The following STXBP5L variants were observed in gnomAD, a reference collection of about 807,000 sequenced individuals.
The protein encoded by STXBP5L is syntaxin binding protein 5L.
STXBP5L carries 65 observed loss-of-function variants against 144.5 expected under a neutral mutation model. The observed-to-expected ratio is 0.45, with a 90% CI of 0.37 to 0.55. STXBP5L has a LOEUF of 0.55. Ranked by LOEUF, STXBP5L falls within the 20% of genes least tolerant of loss-of-function variation. The pLI is 0.00. For missense variants in STXBP5L, 1,298 were observed against 1,405.5 expected, an observed-to-expected ratio of 0.92 and a Z score of 1.22; for synonymous variants, 505 against 469.6, an observed-to-expected ratio of 1.08 and a Z score of -0.97.
intron 14 of STXBP5L, among the ~76,000 whole-genome samples, chr3:121,248,866 C>G (rs2108357939): frequency 6.6e-6 from 1 of 152,304 alleles, no homozygotes; most frequent in East Asian, 1.9e-4. Context: ...TTGCATATGG[C>G]TAGCCAGTTA....
intron 22 of STXBP5L, among the ~76,000 whole-genome samples, chr3:121,395,088 A>G (rs1327679123): frequency 2.0e-5 from 3 of 152,232 alleles, no homozygotes; most frequent in Admixed American, 6.5e-5. Context: ...TGAAAATTCA[A>G]TGAACTAGAT....
At chr3:121,087,570 C>A (rs2042557653) in intron 5 of STXBP5L, among the ~76,000 whole-genome samples, 1 of 151,862 alleles carries the variant, frequency 6.6e-6, no homozygotes, top group Admixed American at 6.6e-5. Flanking sequence ...TTAATATATT[C>A]AAAGTGTATT....
Position 120,961,464 on chromosome 3 carries a change from C to T in STXBP5L, c.287+6427C>T, listed in dbSNP as rs185950103. ...CGAGGCCCCAGTGTGTGATGTTCCC[C>T]GCCCCGTGTGTGAGTGATCTCATTG... is the stretch of plus-strand genomic sequence containing the variant. On this transcript the variant is annotated intron_variant, in intron 3 of 26. Coordinates refer to ENST00000471454, the MANE Select transcript of STXBP5L (RefSeq NM_001308330.2). Among the ~76,000 whole-genome samples, 305 of 152,122 alleles carry T rather than the reference C, an allele frequency of 2.0e-3. 3 individuals are homozygous for T. Among genetic ancestry groups the T allele is most frequent in the South Asian group, 4.6e-3 (22 of 4,822 alleles).
chr3:121,126,905 C>A (rs1182407627), intron 7 of STXBP5L, among the ~76,000 whole-genome samples: 1 of 152,192 alleles, frequency 6.6e-6, no homozygotes, highest in Non-Finnish European at 1.5e-5. Context: ...TCAAATCCAA[C>A]AGCATAGTAT....
At chr3:121,124,644 A>G (rs1036247483) in intron 7 of STXBP5L, among the ~76,000 whole-genome samples, 5 of 152,014 alleles carry the variant, frequency 3.3e-5, no homozygotes. Flanking sequence ...ATTCAGTTGC[A>G]TCATTGAATG....
At chr3:121,379,170 A>G (rs1325646951) in intron 21 of STXBP5L, among the ~76,000 whole-genome samples, 1 of 152,082 alleles carries the variant, frequency 6.6e-6, no homozygotes, top group Non-Finnish European at 1.5e-5. Context: ...CCTTCCCATA[A>G]TAATTAAGAG....
intron 20 of STXBP5L, among the ~76,000 whole-genome samples, chr3:121,358,091 C>G (rs559210650): frequency 6.6e-6 from 1 of 152,260 alleles, no homozygotes; most frequent in South Asian, 2.1e-4. Context: ...TGCATCCCCT[C>G]AAGCATTTAT....
chr3:121,304,855 C>G (rs947194531), intron 19 of STXBP5L, among the ~76,000 whole-genome samples: 1 of 151,490 alleles, frequency 6.6e-6, no homozygotes. Context: ...TAATAATCAT[C>G]AAAAATGAAC....
At chr3:121,207,209 C>G (rs1255297968) in intron 10 of STXBP5L, among the ~76,000 whole-genome samples, 1 of 152,002 alleles carries the variant, frequency 6.6e-6, no homozygotes, top group African/African-American at 2.4e-5. Context: ...TTTGACAAAC[C>G]TGACAAAAAC....
chr3:121,375,283 T>A (rs1472286618), intron 20 of STXBP5L, among the ~76,000 whole-genome samples: 3 of 152,194 alleles, frequency 2.0e-5, no homozygotes, highest in Non-Finnish European at 4.4e-5. Flanking sequence ...GATTTAATTT[T>A]AAAATGTCCT....
intron 9 of STXBP5L, among the ~76,000 whole-genome samples, chr3:121,167,328 A>G (rs1241445569): frequency 6.6e-6 from 1 of 152,234 alleles, no homozygotes; most frequent in Non-Finnish European, 1.5e-5. Flanking sequence ...CAAATTAACA[A>G]CCATTGGAAT....
At chr3:121,258,937 G>A (rs915999964) in intron 17 of STXBP5L, 106 bp from the exon 18 acceptor site, 6 of 1,141,518 alleles carry the variant, frequency 5.3e-6, no homozygotes, top group African/African-American at 1.6e-5. Context: ...TGCCTGCAAT[G>A]CCTGGTGTTG....
At chr3:121,270,215 T>C (rs1309165357) in intron 18 of STXBP5L, among the ~76,000 whole-genome samples, 3 of 144,994 alleles carry the variant, frequency 2.1e-5, no homozygotes, top group African/African-American at 7.7e-5. Flanking sequence ...TCAGTGTATG[T>C]TTCCTAAGAA....
intron 7 of STXBP5L, among the ~76,000 whole-genome samples, chr3:121,133,627 C>T (rs2045104309): frequency 6.6e-6 from 1 of 152,140 alleles, no homozygotes; most frequent in Admixed American, 6.6e-5. Flanking sequence ...GCAAGAAATG[C>T]TAAAGAGTTC....
At chr3:121,351,802 CT>C (rs1553774558) in intron 20 of STXBP5L, among the ~76,000 whole-genome samples, 1 of 152,000 alleles carries the variant, frequency 6.6e-6, no homozygotes, top group Non-Finnish European at 1.5e-5. Flanking sequence ...TCTTCTAGGG[CT>C]TTTATGGTTT....
chr3:121,105,746 C>A (rs1241655305), intron 5 of STXBP5L, among the ~76,000 whole-genome samples: 2 of 151,876 alleles, frequency 1.3e-5, no homozygotes, highest in Non-Finnish European at 2.9e-5. Flanking sequence ...CTCAATAGAA[C>A]CTGTGCAGTT....
chr3:120,911,085 A>G (rs767843745), intron 2 of STXBP5L, among the ~76,000 whole-genome samples: 9 of 152,114 alleles, frequency 5.9e-5, no homozygotes, highest in Non-Finnish European at 1.3e-4. Context: ...TCAGATTCTG[A>G]AAATTTTTTC....
At chr3:121,092,078 A>C (rs1269559231) in intron 5 of STXBP5L, among the ~76,000 whole-genome samples, 6 of 152,162 alleles carry the variant, frequency 3.9e-5, no homozygotes, top group Admixed American at 3.9e-4. Context: ...CAAAGATCAG[A>C]TAGTTGTAGA....
At position 121,020,197 on chromosome 3, in the gene STXBP5L, C is replaced by A. The variant is rs559391365; in HGVS notation, c.288-21503C>A. Among the ~76,000 whole-genome samples, 4 of 152,128 alleles carry A rather than the reference C, an allele frequency of 2.6e-5. No homozygotes were observed. In the South Asian group the frequency reaches 6.2e-4, roughly 24 times the overall value. On this transcript the variant is annotated intron_variant, in intron 3 of 26. Transcript: ENST00000471454. ...AGAACTTCAGAACTTGAAGACAGGA[C>A]TTTTGATTTAATCCAATCCAACAAA...
Sources: allele counts gnomAD v4.1 joint callset (sites outside exome capture counted in the v4.1 genomes callset), GRCh38; gene constraint gnomAD v4.1.1; transcripts MANE v1.5; gene names NCBI Gene and HGNC (gene_info 2026-07-23, HGNC 2026-07-21).